Variants in SLC44A4 observed in about 807,000 individuals in gnomAD.
SLC44A4 encodes choline transporter-like protein 4.
SLC44A4 carries 74 observed loss-of-function variants against 97.0 expected under a neutral mutation model. That is an observed-to-expected ratio of 0.76 (90% confidence interval 0.63 to 0.93). The LOEUF is 0.93. Ranked by LOEUF, SLC44A4 falls within the 40% of genes least tolerant of loss-of-function variation. SLC44A4 has a pLI of 0.00. For missense variants in SLC44A4, 799 were observed against 902.9 expected (o/e 0.88, Z 1.48); for synonymous variants, 325 against 363.8 (o/e 0.89, Z 1.21).
At position 31,877,468 on chromosome 6, in the gene SLC44A4, C is replaced by T; in HGVS notation, c.41-386G>A. 1 of 416,506 alleles carries T rather than the reference C, an allele frequency of 2.4e-6. No homozygotes were observed. The highest frequency in any genetic ancestry group is 3.5e-6 in the Non-Finnish European group (1 of 281,880). 25.8% of individuals were successfully genotyped at this position (416,506 alleles called of 1,614,324 possible). A position where few individuals can be genotyped will look rare whatever the true frequency, so the allele number is the denominator to read the frequency against. On this transcript the variant is annotated intron_variant, in intron 1 of 20. Coordinates refer to ENST00000229729, the MANE Select transcript of SLC44A4 (RefSeq NM_025257.3). The surrounding 1 kb of genome is among the most constrained non-coding windows in gnomAD (Gnocchi z 6.5). ...TCTCACTCCCTCATTCTCATCCCTGCCTCCTCCCTAATCCCTCCCCAGGGA... is the reference window on the plus strand; with the variant it reads ...TCTCACTCCCTCATTCTCATCCCTGTCTCCTCCCTAATCCCTCCCCAGGGA...
At chr6:31,869,659 A>T (rs1450645732) in intron 11 of SLC44A4, 22 bp from the exon 12 acceptor site, 3 of 1,568,890 alleles carry the variant, frequency 1.9e-6, no homozygotes, top group South Asian at 1.2e-5. Context: ...CAAAGCTGTT[A>T]ACCGGCACCG....
At chr6:31,864,431 A>C (rs1762723147) in intron 20 of SLC44A4, 5 of 599,330 alleles carry the variant, frequency 8.3e-6, no homozygotes, top group Non-Finnish European at 1.5e-5. Context: ...AGACCTCTCC[A>C]TCAGAATGCT....
intron 4 of SLC44A4, 66 bp downstream of exon 4, chr6:31,875,786 G>A: frequency 7.2e-7 from 1 of 1,395,702 alleles, no homozygotes. Context: ...CCTGAGTTGG[G>A]GGGGTGTCTC....
In SLC44A4 at chr6:31,877,685, T is replaced by C. The variant is rs565771016; in HGVS notation, c.41-603A>G. On this transcript the variant is annotated intron_variant, in intron 1 of 20. Coordinates refer to ENST00000229729, the MANE Select transcript of SLC44A4 (RefSeq NM_025257.3). This position sits in a 1 kb window ranked among gnomAD's most constrained non-coding sequence, Gnocchi z 6.5. ...TGGGACCTCAGTCCCCTGGCCACAG[T>C]GTGCTCCGGGCTCTGGGCCAGCAGT... The C allele has an allele frequency of 7.1e-5, 68 of 962,694 alleles. No homozygotes were observed. The highest frequency in any genetic ancestry group is 8.2e-5 in the Non-Finnish European group (66 of 809,312). The allele number at this position is 962,694 out of a possible 1,614,324, so 59.6% of individuals were successfully genotyped here. A position where few individuals can be genotyped will look rare whatever the true frequency, so the allele number is the denominator to read the frequency against.
rs1001396504 is a variant in SLC44A4 at position 31,878,615 on chromosome 6, C to T, written c.40+326G>A. 2.6e-5 allele frequency among the ~76,000 whole-genome samples: 4 copies of T among 152,220 alleles called. No homozygotes were observed. Among genetic ancestry groups the T allele is most frequent in the Middle Eastern group, 3.4e-3 (1 of 294 alleles). ...GGCCCCAACCTGCCACCTTCCATCT[C>T]GGCTTTGTTTCCTAGGGCCCTGCCC... On this transcript the variant is annotated intron_variant, in intron 1 of 20. Transcript: ENST00000229729. The surrounding 1 kb of genome is among the most constrained non-coding windows in gnomAD (Gnocchi z 4.0).
intron 7 of SLC44A4, among the ~76,000 whole-genome samples, chr6:31,873,205 C>G (rs1763269863): frequency 6.6e-6 from 1 of 151,942 alleles, no homozygotes; most frequent in Admixed American, 6.6e-5. Flanking sequence ...GAGTCTCGCT[C>G]TGTCAGCAAG....
In SLC44A4 at chr6:31,865,000, G is replaced by C; in HGVS notation, c.1831+10C>G. The C allele has an allele frequency of 6.2e-7, 1 of 1,613,962 alleles. No homozygotes were observed. Among genetic ancestry groups the C allele is most frequent in the Non-Finnish European group, 8.5e-7 (1 of 1,180,014 alleles). The stretch of plus-strand genomic sequence containing the variant: ...CCTACCCTCTGTCCCCACAGCTTCT[G>C]GTCCCTTACCCACGCCTCCGACCAC... On this transcript the variant is annotated intron_variant, in intron 18 of 20. Coordinates refer to ENST00000229729, the MANE Select transcript of SLC44A4 (RefSeq NM_025257.3).
At position 31,878,943 on chromosome 6, in the gene SLC44A4, T is replaced by TAGGCCTC; in HGVS notation, c.31_37dup (p.Tyr13Ter). On this transcript the variant is annotated stop_gained and frameshift_variant, in exon 1 of 21. Coordinates refer to ENST00000229729, the MANE Select transcript of SLC44A4 (RefSeq NM_025257.3). LOFTEE classifies it high-confidence loss of function. The surrounding 1 kb of genome is among the most constrained non-coding windows in gnomAD (Gnocchi z 4.0). ...CCCGGGCCTCGCCCCAGTCTCACCGTAGGCCTCGTCATCCTCGTCCCGCTG... is the reference window on the plus strand; with the variant it reads ...CCCGGGCCTCGCCCCAGTCTCACCGTAGGCCTCAGGCCTCGTCATCCTCGTCCCGCTG... 1 of 1,613,944 alleles carries TAGGCCTC rather than the reference T, an allele frequency of 6.2e-7. No homozygotes were observed. Among genetic ancestry groups the TAGGCCTC allele is most frequent in the Non-Finnish European group, 8.5e-7 (1 of 1,179,932 alleles).
rs11966200 is a variant in SLC44A4 at position 31,869,289 on chromosome 6, C to T, written c.1131-32G>A. On this transcript the variant is annotated intron_variant, in intron 12 of 20. Coordinates refer to ENST00000229729, the MANE Select transcript of SLC44A4 (RefSeq NM_025257.3). Reference sequence around the variant, plus strand: ...GGGAGTCAAGGAAAGCATGATCACACGAGGTCTCCACAGGTCACTCGCTCC... The same window carrying T: ...GGGAGTCAAGGAAAGCATGATCACATGAGGTCTCCACAGGTCACTCGCTCC... The T allele has an allele frequency of 0.027, 42,033 of 1,542,596 alleles. 862 individuals are homozygous for T. Among genetic ancestry groups the T allele is most frequent in the African/African-American group, 0.087 (6,383 of 73,442 alleles).
chr6:31,873,892 G>A (rs1763305002), intron 7 of SLC44A4, among the ~76,000 whole-genome samples: 1 of 151,920 alleles, frequency 6.6e-6, no homozygotes, highest in African/African-American at 2.4e-5. Flanking sequence ...GGCCAAGATA[G>A]TGAAACCCCG....
At position 31,875,785 on chromosome 6, in the gene SLC44A4, G is replaced by T. The variant is rs1460047727; in HGVS notation, c.242+67C>A. 7 of 1,403,452 alleles carry T rather than the reference G, an allele frequency of 5.0e-6. No individual in the cohort carries two copies. In the East Asian group the frequency reaches 1.6e-4, roughly 32 times the overall value. The allele number at this position is 1,403,452 out of a possible 1,614,324, so 86.9% of individuals were successfully genotyped here. A position where few individuals can be genotyped will look rare whatever the true frequency, so the allele number is the denominator to read the frequency against. ...ACGGACAGGTCTGGAGCCTGAGTTG[G>T]GGGGGTGTCTCCTGCCCACCCTACC... is the stretch of plus-strand genomic sequence containing the variant. On this transcript the variant is annotated intron_variant, in intron 4 of 20. Transcript: ENST00000229729.
At position 31,864,579 on chromosome 6, in the gene SLC44A4, C is replaced by CA. The variant is rs5875335; in HGVS notation, c.2011+72dup. On this transcript the variant is annotated intron_variant, in intron 20 of 20. Transcript: ENST00000229729. ...ATTGTTTCTAGAAGCACCAAATCTC[C>CA]AAAAAAAAAAAAAAATGCTTGAACG... The CA allele has an allele frequency of 0.12, 148,419 of 1,216,504 alleles. 1,319 individuals carry two copies. The highest frequency in any genetic ancestry group is 0.25 in the African/African-American group (15,074 of 61,412). 75.4% of individuals were successfully genotyped at this position (1,216,504 alleles called of 1,614,324 possible). A position where few individuals can be genotyped will look rare whatever the true frequency, so the allele number is the denominator to read the frequency against.
chr6:31,864,005 T>C (rs1232313223), intron 20 of SLC44A4, among the ~76,000 whole-genome samples: 1 of 151,746 alleles, frequency 6.6e-6, no homozygotes, highest in Admixed American at 6.6e-5. Flanking sequence ...ATGCATGCTG[T>C]AGAGTAAGAA....
rs1299104720 is a variant in SLC44A4, at chr6:31,865,216, C to T, written c.1760+99G>A. 5.8e-6 allele frequency: 9 copies of T among 1,542,766 alleles called. No homozygotes were observed. In the African/African-American group the frequency reaches 1.2e-4, roughly 21 times the overall value. On this transcript the variant is annotated intron_variant, in intron 17 of 20. Coordinates refer to ENST00000229729, the MANE Select transcript of SLC44A4 (RefSeq NM_025257.3). The surrounding 1 kb of genome is among the most constrained non-coding windows in gnomAD (Gnocchi z 5.2). ...AAGATGGCAAGAGCAGAGCACTAAA[C>T]TAAGTCTAGGGCCCGACTGAGCACA... is the stretch of plus-strand genomic sequence containing the variant.
rs1217922297 is a variant in SLC44A4, at chr6:31,865,847, T to C, written c.1487+26A>G. ...ACCCCTGGGGCCCCCGTGCCTACAA[T>C]GACCAGGCCCCTGCCCCATCCTTAC... On this transcript the variant is annotated intron_variant, in intron 14 of 20. Coordinates refer to ENST00000229729, the MANE Select transcript of SLC44A4 (RefSeq NM_025257.3). This position sits in a 1 kb window ranked among gnomAD's most constrained non-coding sequence, Gnocchi z 5.2. 6.2e-7 allele frequency: 1 copy of C among 1,613,764 alleles called. No homozygotes were observed. Among genetic ancestry groups the C allele is most frequent in the African/African-American group, 1.3e-5 (1 of 74,908 alleles).
At position 31,865,553 on chromosome 6, in the gene SLC44A4, C is replaced by G; in HGVS notation, c.1631G>C (p.Cys544Ser). Residue 544 changes from cysteine to serine, a missense_variant, in exon 16 of 21, where the codon TGC becomes TCC. By Grantham distance (112) the Cys-to-Ser change is moderately radical. Coordinates refer to ENST00000229729, the MANE Select transcript of SLC44A4 (RefSeq NM_025257.3). This position sits in a 1 kb window ranked among gnomAD's most constrained non-coding sequence, Gnocchi z 5.2. ...GATAAATTTTTCCAGACACCAGAGG[C>G]AGCACTTGAAACAGCACATGATGCA... ...ARCIMCCFKC[C>S]LWCLEKFIKF... The G allele has an allele frequency of 6.3e-7, 1 of 1,598,540 alleles. No homozygotes were observed. The highest frequency in any genetic ancestry group is 1.3e-5 in the African/African-American group (1 of 74,700).
Position 31,870,895 on chromosome 6 carries a change from T to A in SLC44A4, c.854A>T (p.Asp285Val). ...YCWEEYRVLR[D>V]KGASISQLGF... ...CAGCTGGGAGATGGAGGCGCCCTTG[T>A]CCCGCAGCACTCGGTACTCCTCCCA... is the stretch of plus-strand genomic sequence containing the variant. Residue 285 changes from aspartate to valine, a missense_variant, in exon 10 of 21, where the codon GAC becomes GTC. This residue lies in a region of SLC44A4 where 409 missense variants were observed against 434.1 expected (regional missense o/e 0.94). Transcript: ENST00000229729. 6.2e-7 allele frequency: 1 copy of A among 1,612,932 alleles called. No individual in the cohort carries two copies. Among genetic ancestry groups the A allele is most frequent in the Non-Finnish European group, 8.5e-7 (1 of 1,179,974 alleles).
Position 31,865,328 on chromosome 6 carries a change from G to C in SLC44A4, c.1747C>G (p.Arg583Gly), listed in dbSNP as rs372077719. The change falls in exon 17 of 21, where the codon CGA becomes GGA. Residue 583 changes from arginine to glycine, a missense_variant. Arg to Gly is a moderately radical substitution (Grantham distance 125). Coordinates refer to ENST00000229729, the MANE Select transcript of SLC44A4 (RefSeq NM_025257.3). This position sits in a 1 kb window ranked among gnomAD's most constrained non-coding sequence, Gnocchi z 5.2. ...SAKNAFMLLM[R>G]NIVRVVVLDK... The stretch of plus-strand genomic sequence containing the variant: ...GAGCAGCCTAACCTGACAATGTTTC[G>C]CATGAGTAGCATGAACGCATTTTTG... 7.4e-6 allele frequency: 12 copies of C among 1,613,834 alleles called. No individual in the cohort carries two copies. Among genetic ancestry groups the C allele is most frequent in the East Asian group, 2.2e-5 (1 of 44,896 alleles).
chr6:31,869,217 C>G lies in SLC44A4; in HGVS notation c.1171G>C (p.Ala391Pro), dbSNP rs146294980. The G allele has an allele frequency of 1.8e-3, 2,930 of 1,610,370 alleles. 4 individuals are homozygous for G. Among genetic ancestry groups the G allele is most frequent in the Non-Finnish European group, 2.3e-3 (2,767 of 1,178,852 alleles). ...CAGCCGGGGGAGCTGATGTTGGATG[C>G]CCAGAGCACATACTGGGGTTGCCCC... ...TSGQPQYVLWASNISSPGCEK... is the reference protein window; with the variant it reads ...TSGQPQYVLWPSNISSPGCEK... The change falls in exon 13 of 21, where the codon GCA (alanine) becomes CCA (proline). Residue 391 changes from alanine to proline, a missense_variant. Around this residue, in one of 3 missense-constraint regions of SLC44A4, gnomAD observed 379 missense variants for 438.3 expected, o/e 0.86. Coordinates refer to ENST00000229729, the MANE Select transcript of SLC44A4 (RefSeq NM_025257.3).
Sources: allele counts gnomAD v4.1 joint callset (sites outside exome capture counted in the v4.1 genomes callset), GRCh38; gene constraint gnomAD v4.1.1; regional missense constraint gnomAD v4.1.1; non-coding constraint Gnocchi (gnomAD v3.1); transcripts MANE v1.5; gene names NCBI Gene and HGNC (gene_info 2026-07-23, HGNC 2026-07-21).